Variants in FTCD observed in about 807,000 individuals in gnomAD.
The protein encoded by FTCD is formimidoyltransferase cyclodeaminase.
Under a neutral mutation model 62.9 loss-of-function variants are expected in FTCD, and 76 were observed. The observed-to-expected ratio is 1.21, with a 90% CI of 1.00 to 1.46. The LOEUF is 1.46. FTCD is among the 40% of genes most tolerant of loss of function. The probability of loss-of-function intolerance (pLI) is 0.00; values close to 1 mark genes in which losing one functional copy is unlikely to be tolerated. For synonymous variants in FTCD, 397 were observed against 336.9 expected (o/e 1.18, Z -1.95); for missense variants, 845 against 751.3 (o/e 1.12, Z -1.46).
chr21:46,136,338 A>G (rs902219191), downstream of FTCD: 26 of 1,112,408 alleles, frequency 2.3e-5, no homozygotes, highest in Admixed American at 4.9e-4. Context: ...TGAGGCAGGG[A>G]GGAAAAGTCT....
chr21:46,144,264 GTCTTT>G (rs1276740847), intron 10 of FTCD, among the ~76,000 whole-genome samples: 9 of 151,014 alleles, frequency 6.0e-5, no homozygotes, highest in Admixed American at 5.9e-4. Flanking sequence ...GGGCCCAGCT[GTCTTT>G]TCTTCTCTTT....
In FTCD at chr21:46,151,667, G is replaced by A. The variant is rs954901945; in HGVS notation, c.527C>T (p.Thr176Met). The A allele has an allele frequency of 1.9e-6, 3 of 1,613,022 alleles. No individual in the cohort carries two copies. The highest frequency in any genetic ancestry group is 2.2e-5 in the South Asian group (2 of 91,086). Residue 176 changes from threonine to methionine, a missense_variant, in exon 5 of 14, where the codon ACG becomes ATG. Thr to Met is a moderately conservative substitution (Grantham distance 81). Coordinates refer to ENST00000397746, the MANE Select transcript of FTCD (RefSeq NM_206965.2). ...SFVPSWGATATGARKFLIAFN... is the reference protein window; with the variant it reads ...SFVPSWGATAMGARKFLIAFN... Reference sequence around the variant, plus strand: ...AGCAATGAGGAACTTCCTCGCCCCCGTGGCCGTGGCCCCCCAACTGGGGAC... The same window carrying A: ...AGCAATGAGGAACTTCCTCGCCCCCATGGCCGTGGCCCCCCAACTGGGGAC...
At position 46,150,103 on chromosome 21, in the gene FTCD, C is replaced by T. The variant is rs368811508; in HGVS notation, c.906+16G>A. The T allele has an allele frequency of 2.4e-5, 38 of 1,598,582 alleles. No homozygotes were observed. The East Asian group carries it at 2.5e-4, about 10-fold the overall frequency. Reference sequence around the variant, plus strand: ...TGCACGCCCCTGTCCGACCCTTCCTCGGCAGCCCGGCCCACCAGCCTGATC... The same window carrying T: ...TGCACGCCCCTGTCCGACCCTTCCTTGGCAGCCCGGCCCACCAGCCTGATC... On this transcript the variant is annotated intron_variant, in intron 7 of 13. Coordinates refer to ENST00000397746, the MANE Select transcript of FTCD (RefSeq NM_206965.2).
At position 46,136,926 on chromosome 21, in the gene FTCD, C is replaced by G. The variant is rs767237425; in HGVS notation, c.*61G>C. The G allele has an allele frequency of 6.2e-7, 1 of 1,610,800 alleles. No homozygotes were observed. The highest frequency in any genetic ancestry group is 8.5e-7 in the Non-Finnish European group (1 of 1,179,118). On this transcript the variant is annotated 3_prime_UTR_variant, in exon 14 of 14. Coordinates refer to ENST00000397746, the MANE Select transcript of FTCD (RefSeq NM_206965.2). The stretch of plus-strand genomic sequence containing the variant: ...AGCTGTGTCCCCACCGAGGTCACAG[C>G]TCTGCCCTCTGGGGATGGGCGAGGG...
chr21:46,138,679 C>T (rs747065037), intron 11 of FTCD, 33 bp from the exon 12 acceptor site: 29 of 1,591,802 alleles, frequency 1.8e-5, no homozygotes, highest in East Asian at 1.1e-4. Context: ...CTGAGCACAG[C>T]GGCACACACA....
Position 46,151,903 on chromosome 21 carries a change from G to C in FTCD, c.445C>G (p.Leu149Val). ...PAIRAGEYEA[L>V]PKKLQQADWA... Reference sequence around the variant, plus strand: ...CGGGGTGGGGGCACCTTCTTAGGGAGGGCCTCGTACTCCCCGGCCCGGATG... The same window carrying C: ...CGGGGTGGGGGCACCTTCTTAGGGACGGCCTCGTACTCCCCGGCCCGGATG... Residue 149 changes from leucine (L) to valine (V), a missense_variant, in exon 4 of 14, where the codon CTC becomes GTC. Leu to Val is a conservative substitution (Grantham distance 32). Coordinates refer to ENST00000397746, the MANE Select transcript of FTCD (RefSeq NM_206965.2). 1 of 1,563,536 alleles carries C rather than the reference G, an allele frequency of 6.4e-7. No individual in the cohort carries two copies. Among genetic ancestry groups the C allele is most frequent in the Non-Finnish European group, 8.7e-7 (1 of 1,154,532 alleles).
chr21:46,138,295 G>C (rs1399905497), intron 12 of FTCD, among the ~76,000 whole-genome samples: 1 of 152,224 alleles, frequency 6.6e-6, no homozygotes, highest in African/African-American at 2.4e-5. Flanking sequence ...ACACATTTGG[G>C]TCTCCGTCTG....
chr21:46,147,958 AAAG>A (rs1320615185), intron 7 of FTCD, among the ~76,000 whole-genome samples: 59 of 151,286 alleles, frequency 3.9e-4, no homozygotes, highest in Middle Eastern at 3.4e-3. Context: ...AAAAAAAAAA[AAAG>A]AAGAAGACAA....
intron 10 of FTCD, chr21:46,141,986 G>A (rs1416836878): frequency 2.6e-5 from 4 of 152,398 alleles, no homozygotes; most frequent in African/African-American, 9.6e-5. Flanking sequence ...GCGGGGCTGT[G>A]TGCGAGGGGA....
intron 7 of FTCD, 85 bp from the exon 8 acceptor site, chr21:46,146,412 G>T: frequency 1.1e-6 from 1 of 925,564 alleles, no homozygotes; most frequent in Non-Finnish European, 1.7e-6. Context: ...CCACCCTTGC[G>T]GCAGCCGCCC....
intron 7 of FTCD, among the ~76,000 whole-genome samples, chr21:46,147,372 CTT>C (rs1421822959): frequency 6.6e-6 from 1 of 152,164 alleles, no homozygotes; most frequent in Non-Finnish European, 1.5e-5. Flanking sequence ...CGAATTCACT[CTT>C]GTGTGGTTCC....
At chr21:46,143,150 G>A (rs1405797747) in intron 10 of FTCD, among the ~76,000 whole-genome samples, 4 of 152,138 alleles carry the variant, frequency 2.6e-5, no homozygotes, top group African/African-American at 7.2e-5. Context: ...TGGATTCCAC[G>A]TGCATTTGGG....
At chr21:46,143,182 T>C (rs2079058173) in intron 10 of FTCD, among the ~76,000 whole-genome samples, 1 of 152,202 alleles carries the variant, frequency 6.6e-6, no homozygotes, top group South Asian at 2.1e-4. Flanking sequence ...TCACCCAGCC[T>C]TGTAAGGTAG....
At chr21:46,152,820 G>A (rs2079324574) in intron 3 of FTCD, 87 bp downstream of exon 3, 3 of 1,163,680 alleles carry the variant, frequency 2.6e-6, no homozygotes, top group Admixed American at 4.9e-5. Context: ...AGCAGTCAAG[G>A]GCAGGGAACT....
At chr21:46,150,069 C>CCCCCA in intron 7 of FTCD, 50 bp downstream of exon 7, 1 of 1,563,546 alleles carries the variant, frequency 6.4e-7, no homozygotes, top group Non-Finnish European at 8.7e-7. Flanking sequence ...ACCGCCTCCC[C>CCCCCA]ACCCTCCCTG....
chr21:46,151,255 G>A (rs1018743886), intron 5 of FTCD, among the ~76,000 whole-genome samples: 3 of 152,210 alleles, frequency 2.0e-5, no homozygotes, highest in East Asian at 1.9e-4. Context: ...CTGGGACTCC[G>A]GAAGTCGCTG....
chr21:46,137,440 C>G (rs1804418996), intron 12 of FTCD, 106 bp from the exon 13 acceptor site: 1 of 877,994 alleles, frequency 1.1e-6, no homozygotes, highest in Non-Finnish European at 1.9e-6. Flanking sequence ...TCGTCCTCCT[C>G]CTCACAAGGA....
intron 11 of FTCD, 57 bp from the exon 12 acceptor site, chr21:46,138,703 C>A (rs1444576898): frequency 1.2e-5 from 19 of 1,546,716 alleles, no homozygotes; most frequent in Non-Finnish European, 1.7e-5. Context: ...AGGCAGTGGA[C>A]ACACTGCACC....
At position 46,151,646 on chromosome 21, in the gene FTCD, A is replaced by T; in HGVS notation, c.548T>A (p.Ile183Asn). 6.2e-7 allele frequency: 1 copy of T among 1,613,106 alleles called. No individual in the cohort carries two copies. The highest frequency in any genetic ancestry group is 8.5e-7 in the Non-Finnish European group (1 of 1,179,970). Residue 183 changes from isoleucine to asparagine, a missense_variant, in exon 5 of 14, where the codon ATT (isoleucine) becomes AAT (asparagine). Coordinates refer to ENST00000397746, the MANE Select transcript of FTCD (RefSeq NM_206965.2). ...ATATGARKFL[I>N]AFNINLLGTK... ...GCCGAGCAGGTTGATGTTAAAAGCA[A>T]TGAGGAACTTCCTCGCCCCCGTGGC...
Sources: gnomAD v4.1 joint callset for allele counts (sites outside exome capture counted in the v4.1 genomes callset) on GRCh38, gnomAD v4.1.1 for gene constraint, MANE v1.5 for transcripts, NCBI Gene and HGNC (gene_info 2026-07-23, HGNC 2026-07-21) for gene names.